THSD7B: variants seen among roughly 807,000 people sequenced by gnomAD.
THSD7B encodes thrombospondin type-1 domain-containing protein 7B.
THSD7B carries 138 observed loss-of-function variants against 213.6 expected under a neutral mutation model. That is an observed-to-expected ratio of 0.65 (90% CI 0.56 to 0.74). The LOEUF is 0.74. Ranked by LOEUF, THSD7B falls within the 30% of genes least tolerant of loss-of-function variation. The pLI, the probability that THSD7B is intolerant of heterozygous loss-of-function variation, is 0.00. For missense variants in THSD7B, 1,931 were observed against 1,991.5 expected, an observed-to-expected ratio of 0.97 and a Z score of 0.58; for synonymous variants, 742 against 687.0, an observed-to-expected ratio of 1.08 and a Z score of -1.25.
At chr2:136,783,396 C>T (rs1305830552) in intron 1 of THSD7B, among the ~76,000 whole-genome samples, 2 of 151,938 alleles carry the variant, frequency 1.3e-5, no homozygotes, top group African/African-American at 4.8e-5. Context: ...TCTCGTTGAA[C>T]CAAAGGGAAT....
intron 15 of THSD7B, among the ~76,000 whole-genome samples, chr2:137,478,242 T>C (rs1430475515): frequency 6.6e-6 from 1 of 152,202 alleles, no homozygotes; most frequent in Non-Finnish European, 1.5e-5. Context: ...TGGTGTCCCA[T>C]ATATCATGTA....
At chr2:137,386,704 C>T (rs554658658) in intron 12 of THSD7B, among the ~76,000 whole-genome samples, 2 of 152,216 alleles carry the variant, frequency 1.3e-5, no homozygotes, top group African/African-American at 2.4e-5. Flanking sequence ...GTAACCCCTG[C>T]CCTCTTCATC....
At chr2:137,598,049 T>C (rs1033304071) in intron 17 of THSD7B, among the ~76,000 whole-genome samples, 1 of 152,110 alleles carries the variant, frequency 6.6e-6, no homozygotes, top group Non-Finnish European at 1.5e-5. Flanking sequence ...CTCTATCTCA[T>C]TCCTGTTCCT....
Position 137,036,254 on chromosome 2 carries a change from T to G in THSD7B, c.140-20166T>G, listed in dbSNP as rs535960194. On this transcript the variant is annotated intron_variant, in intron 2 of 27. Coordinates refer to ENST00000409968, the MANE Select transcript of THSD7B (RefSeq NM_001316349.2). ...TTGAAAGGTAATCTTCATTTCCTTA[T>G]GCTTCCTGCTTAATAGCCATATACA... Among the ~76,000 whole-genome samples, 146 of 152,322 alleles carry G rather than the reference T, an allele frequency of 9.6e-4. 1 individual carries two copies. Among genetic ancestry groups the G allele is most frequent in the Middle Eastern group, 3.4e-3 (1 of 294 alleles).
chr2:136,951,682 A>G (rs962535335), intron 2 of THSD7B, among the ~76,000 whole-genome samples: 3 of 152,206 alleles, frequency 2.0e-5, no homozygotes, highest in Non-Finnish European at 4.4e-5. Flanking sequence ...AAGATGGTTT[A>G]ATGATTTTGA....
intron 2 of THSD7B, among the ~76,000 whole-genome samples, chr2:136,929,910 T>C (rs375544000): frequency 1.5e-4 from 23 of 152,204 alleles, no homozygotes; most frequent in African/African-American, 5.1e-4. Context: ...ACATAACATT[T>C]TCATGACAGC....
At position 137,620,746 on chromosome 2, in the gene THSD7B, T is replaced by A; in HGVS notation, c.3799+20T>A. The A allele has an allele frequency of 6.3e-7, 1 of 1,580,518 alleles. No homozygotes were observed. Among genetic ancestry groups the A allele is most frequent in the Non-Finnish European group, 8.7e-7 (1 of 1,150,440 alleles). On this transcript the variant is annotated intron_variant, in intron 20 of 27. Coordinates refer to ENST00000409968, the MANE Select transcript of THSD7B (RefSeq NM_001316349.2). ...ATGGAGGTATTGGTTTCCCCATATT[T>A]CCCACTAACTAGTGTAGGTTTCTAA...
intron 17 of THSD7B, among the ~76,000 whole-genome samples, chr2:137,608,636 AT>A (rs1234125618): frequency 6.6e-5 from 10 of 152,312 alleles, no homozygotes; most frequent in Non-Finnish European, 1.5e-4. Flanking sequence ...ATGTATTGAC[AT>A]TTTTAAATGT....
intron 2 of THSD7B, among the ~76,000 whole-genome samples, chr2:136,948,966 T>G (rs1684989433): frequency 6.6e-6 from 1 of 152,234 alleles, no homozygotes; most frequent in African/African-American, 2.4e-5. Flanking sequence ...CTATTGGTTT[T>G]TTAAAAAAAA....
intron 1 of THSD7B, among the ~76,000 whole-genome samples, chr2:136,786,455 G>A (rs138813536): frequency 6.6e-6 from 1 of 152,050 alleles, no homozygotes; most frequent in African/African-American, 2.4e-5. Context: ...TTTTAATGAT[G>A]TTGGCTTGTT....
chr2:137,568,191 G>A (rs1430538261), intron 16 of THSD7B, among the ~76,000 whole-genome samples: 1 of 152,104 alleles, frequency 6.6e-6, no homozygotes, highest in African/African-American at 2.4e-5. Context: ...AGTTTAAGAG[G>A]TAATAATTGG....
chr2:136,800,968 G>A (rs1350874017), intron 1 of THSD7B, among the ~76,000 whole-genome samples: 1 of 151,946 alleles, frequency 6.6e-6, no homozygotes, highest in Non-Finnish European at 1.5e-5. Context: ...CACACCCAGA[G>A]TCACCTTATT....
intron 20 of THSD7B, among the ~76,000 whole-genome samples, chr2:137,629,844 T>C (rs796273840): frequency 5.3e-5 from 8 of 152,270 alleles, no homozygotes; most frequent in African/African-American, 1.9e-4. Context: ...CCATAGCTCT[T>C]GTGACTAATG....
At chr2:137,607,228 G>A (rs352178) in intron 17 of THSD7B, among the ~76,000 whole-genome samples, 74,096 of 151,332 alleles carry the variant, frequency 0.49, 19,547 homozygotes, top group African/African-American at 0.69. Flanking sequence ...TCATTTGCAT[G>A]AAATTTGCAC....
intron 15 of THSD7B, among the ~76,000 whole-genome samples, chr2:137,498,944 A>G (rs1456648845): frequency 6.6e-6 from 1 of 152,176 alleles, no homozygotes; most frequent in Non-Finnish European, 1.5e-5. Flanking sequence ...GGATATGGGC[A>G]TTGTCACCAG....
chr2:137,249,279 C>T (rs1438620485), intron 10 of THSD7B, among the ~76,000 whole-genome samples: 1 of 151,390 alleles, frequency 6.6e-6, no homozygotes, highest in African/African-American at 2.4e-5. Flanking sequence ...GATCTTCTGC[C>T]TGTCTTTATT....
intron 2 of THSD7B, among the ~76,000 whole-genome samples, chr2:136,947,548 A>T (rs1221467233): frequency 6.6e-6 from 1 of 152,188 alleles, no homozygotes; most frequent in East Asian, 1.9e-4. Flanking sequence ...TTCTGATGAT[A>T]GACGACCCTG....
At chr2:137,411,959 T>C (rs989281674) in intron 14 of THSD7B, 87 bp downstream of exon 14, 1 of 1,432,442 alleles carries the variant, frequency 7.0e-7, no homozygotes, top group East Asian at 2.4e-5. Flanking sequence ...ATAGCTCTGC[T>C]CTATAATAAT....
At chr2:137,610,493 A>C (rs913623969) in intron 17 of THSD7B, among the ~76,000 whole-genome samples, 2 of 152,130 alleles carry the variant, frequency 1.3e-5, no homozygotes, top group South Asian at 2.1e-4. Context: ...CTTCTACCTC[A>C]TGGCCAATAT....
Sources: allele counts gnomAD v4.1 joint callset (sites outside exome capture counted in the v4.1 genomes callset), GRCh38; gene constraint gnomAD v4.1.1; transcripts MANE v1.5; gene names NCBI Gene and HGNC (gene_info 2026-07-23, HGNC 2026-07-21).